CNTN5: variants seen among roughly 807,000 people sequenced by gnomAD.
CNTN5 encodes the protein contactin-5.
In CNTN5, 77 loss-of-function variants were observed where a neutral mutation model predicts 129.1. The observed-to-expected ratio is 0.60, with a 90% confidence interval of 0.50 to 0.72. CNTN5 has a LOEUF of 0.72. Ranked by LOEUF, CNTN5 falls within the 30% of genes least tolerant of loss-of-function variation. The pLI is 0.00. For synonymous variants in CNTN5, 509 were observed against 465.6 expected (o/e 1.09, Z -1.20); for missense variants, 1,478 against 1,328.8 (o/e 1.11, Z -1.75).
intron 2 of CNTN5, among the ~76,000 whole-genome samples, chr11:99,430,152 A>G (rs1591042493): frequency 6.6e-6 from 1 of 152,060 alleles, no homozygotes; most frequent in African/African-American, 2.4e-5. Flanking sequence ...CCTTCTCAAG[A>G]TGTTTTTTCA....
intron 3 of CNTN5, among the ~76,000 whole-genome samples, chr11:99,643,759 T>C (rs1951852385): frequency 6.6e-6 from 1 of 152,144 alleles, no homozygotes; most frequent in African/African-American, 2.4e-5. Context: ...ATGGTCCTTC[T>C]AATGGAATGG....
intron 2 of CNTN5, among the ~76,000 whole-genome samples, chr11:99,488,590 A>G (rs1321344418): frequency 6.6e-6 from 1 of 152,104 alleles, no homozygotes; most frequent in African/African-American, 2.4e-5. Context: ...TCTAAGGGCC[A>G]AGAGAAAAGT....
chr11:99,468,654 C>CT (rs36091167), intron 2 of CNTN5, among the ~76,000 whole-genome samples: 39 of 145,284 alleles, frequency 2.7e-4, no homozygotes, highest in African/African-American at 8.4e-4. Context: ...GAGTTTTCAC[C>CT]TTTTTTTTTT....
At chr11:99,810,422 C>A (rs1277955148) in intron 3 of CNTN5, among the ~76,000 whole-genome samples, 1 of 152,048 alleles carries the variant, frequency 6.6e-6, no homozygotes, top group Admixed American at 6.6e-5. Flanking sequence ...TTGGAACTAT[C>A]AAAGTTTAAA....
intron 4 of CNTN5, among the ~76,000 whole-genome samples, chr11:99,839,187 T>G (rs934794350): frequency 2.0e-5 from 3 of 152,042 alleles, no homozygotes; most frequent in Non-Finnish European, 4.4e-5. Context: ...TTGAAAATAA[T>G]GAGGAAAGAA....
intron 3 of CNTN5, among the ~76,000 whole-genome samples, chr11:99,589,429 A>G (rs1272711694): frequency 2.0e-5 from 3 of 152,246 alleles, no homozygotes; most frequent in Admixed American, 6.5e-5. Flanking sequence ...CACTAAAAGC[A>G]GAAAAATACT....
intron 1 of CNTN5, among the ~76,000 whole-genome samples, chr11:99,325,075 T>C (rs1865727001): frequency 1.3e-5 from 2 of 152,132 alleles, no homozygotes; most frequent in African/African-American, 2.4e-5. Context: ...TTAAATATTC[T>C]AAGCTATTGT....
intron 1 of CNTN5, among the ~76,000 whole-genome samples, chr11:99,102,108 G>T (rs148133693): frequency 4.9e-4 from 75 of 152,264 alleles, no homozygotes; most frequent in Non-Finnish European, 8.1e-4. Flanking sequence ...ACCCTCTGAA[G>T]ACACAATCTG....
chr11:99,775,100 A>G (rs1256236782), intron 3 of CNTN5, among the ~76,000 whole-genome samples: 2 of 152,016 alleles, frequency 1.3e-5, no homozygotes, highest in African/African-American at 4.8e-5. Flanking sequence ...AGTCAATCCA[A>G]ACTGATCATC....
chr11:99,437,503 G>A (rs1172772894), intron 2 of CNTN5, among the ~76,000 whole-genome samples: 2 of 152,038 alleles, frequency 1.3e-5, no homozygotes, highest in Admixed American at 1.3e-4. Flanking sequence ...CATCTTTTTC[G>A]TTTTTAAGCT....
At chr11:100,007,195 C>G (rs1206177199) in intron 9 of CNTN5, among the ~76,000 whole-genome samples, 1 of 151,934 alleles carries the variant, frequency 6.6e-6, no homozygotes, top group Non-Finnish European at 1.5e-5. Context: ...TTCAAGAACA[C>G]AGAGTAGATT....
intron 18 of CNTN5, among the ~76,000 whole-genome samples, chr11:100,277,721 C>T (rs549271700): frequency 6.2e-4 from 94 of 151,762 alleles, no homozygotes; most frequent in Middle Eastern, 6.8e-3. Context: ...TTTATCAATC[C>T]TTTGGCAGAC....
At chr11:99,597,086 TAG>T (rs1269231428) in intron 3 of CNTN5, among the ~76,000 whole-genome samples, 5 of 152,182 alleles carry the variant, frequency 3.3e-5, no homozygotes, top group African/African-American at 1.2e-4. Context: ...CTTGATGCGT[TAG>T]AGTTAGGAAA....
In CNTN5 at chr11:99,787,163, G is replaced by A. The variant is rs1945560328; in HGVS notation, c.56-32381G>A. 2.7e-5 allele frequency among the ~76,000 whole-genome samples: 4 copies of A among 150,594 alleles called. No homozygotes were observed. The South Asian group carries it at 8.3e-4, about 31-fold the overall frequency. ...TAAGTTTTAGGGTACATGTGCACCT[G>A]CACGTTTTGGCTTTAAGAGGATGAT... is the stretch of plus-strand genomic sequence containing the variant. On this transcript the variant is annotated intron_variant, in intron 3 of 24. Transcript: ENST00000524871.
chr11:99,970,826 C>T (rs1212801801), intron 8 of CNTN5, among the ~76,000 whole-genome samples: 1 of 152,074 alleles, frequency 6.6e-6, no homozygotes, highest in Non-Finnish European at 1.5e-5. Context: ...GATGGATGGG[C>T]GGTAACATTG....
intron 17 of CNTN5, among the ~76,000 whole-genome samples, chr11:100,260,045 TAGCC>T (rs1950164873): frequency 6.6e-6 from 1 of 151,992 alleles, no homozygotes; most frequent in Non-Finnish European, 1.5e-5. Flanking sequence ...GATAAACCAC[TAGCC>T]AGACTAATAA....
intron 2 of CNTN5, among the ~76,000 whole-genome samples, chr11:99,372,958 C>T (rs1939918195): frequency 6.6e-6 from 1 of 152,218 alleles, no homozygotes. Flanking sequence ...CCTATAATCC[C>T]AGCACTTTGG....
At chr11:99,711,074 T>G (rs1352774972) in intron 3 of CNTN5, among the ~76,000 whole-genome samples, 1 of 151,938 alleles carries the variant, frequency 6.6e-6, no homozygotes, top group Non-Finnish European at 1.5e-5. Context: ...GTACATAACC[T>G]ATATAATAAC....
intron 8 of CNTN5, among the ~76,000 whole-genome samples, chr11:99,975,579 AACTT>A (rs1303444947): frequency 6.6e-6 from 1 of 152,128 alleles, no homozygotes; most frequent in Non-Finnish European, 1.5e-5. Flanking sequence ...TGCCTCAAAA[AACTT>A]ACAGTTATGG....
Sources: gnomAD v4.1 joint callset for allele counts (sites outside exome capture counted in the v4.1 genomes callset) on GRCh38, gnomAD v4.1.1 for gene constraint, MANE v1.5 for transcripts, NCBI Gene and HGNC (gene_info 2026-07-23, HGNC 2026-07-21) for gene names.